The following ADARB2 variants were observed in gnomAD, a reference collection of about 807,000 sequenced individuals.
The protein encoded by ADARB2 is inactive double-stranded RNA-specific editase B2.
A neutral mutation model predicts 62.2 loss-of-function variants in ADARB2; 25 were observed. The observed-to-expected ratio is 0.40, with a 90% CI of 0.29 to 0.56. ADARB2 has a LOEUF of 0.56. Among genes scored for constraint, ADARB2 ranks in the 20% least tolerant of loss-of-function variants. The probability of loss-of-function intolerance (pLI) is 0.43; values close to 1 mark genes in which losing one functional copy is unlikely to be tolerated. For missense variants in ADARB2, 1,071 were observed against 1,077.4 expected (o/e 0.99, Z 0.08); for synonymous variants, 572 against 500.8 (o/e 1.14, Z -1.90).
At chr10:1,586,828 C>T (rs1833187341) in intron 1 of ADARB2, among the ~76,000 whole-genome samples, 2 of 152,034 alleles carry the variant, frequency 1.3e-5, no homozygotes, top group Middle Eastern at 3.2e-3. Flanking sequence ...TTGTGAGTAG[C>T]ATAAAGAAAT....
At position 1,483,908 on chromosome 10, in the gene ADARB2, C is replaced by T. The variant is rs762671749; in HGVS notation, c.101-104748G>A. 1.1e-4 allele frequency among the ~76,000 whole-genome samples: 16 copies of T among 152,272 alleles called. No homozygotes were observed. In the East Asian group the frequency reaches 2.3e-3, roughly 22 times the overall value. ...TAAATGAAAAATTCCTTTCTTATTC[C>T]GCCATGCGCCAGGGGATTTTTCTTC... On this transcript the variant is annotated intron_variant, in intron 1 of 9. Transcript: ENST00000381312.
intron 1 of ADARB2, among the ~76,000 whole-genome samples, chr10:1,567,929 C>T (rs750918654): frequency 2.0e-5 from 3 of 152,178 alleles, no homozygotes; most frequent in East Asian, 1.9e-4. Context: ...CTCCTGCCTG[C>T]GGGAGCAGCT....
intron 1 of ADARB2, among the ~76,000 whole-genome samples, chr10:1,485,665 G>A (rs1024906562): frequency 2.6e-5 from 4 of 152,150 alleles, no homozygotes; most frequent in Admixed American, 6.5e-5. Context: ...CTGTCACCTT[G>A]TCACAACACG....
intron 1 of ADARB2, among the ~76,000 whole-genome samples, chr10:1,435,567 A>AGGACCCT (rs1830826739): frequency 6.6e-6 from 1 of 152,160 alleles, no homozygotes; most frequent in African/African-American, 2.4e-5. Flanking sequence ...CCTCTGCACC[A>AGGACCCT]TCCTGCAGTG....
At chr10:1,588,725 C>T (rs980125858) in intron 1 of ADARB2, among the ~76,000 whole-genome samples, 1 of 152,224 alleles carries the variant, frequency 6.6e-6, no homozygotes, top group Non-Finnish European at 1.5e-5. Context: ...TGGACGCCAG[C>T]CCCTGCCTTG....
At chr10:1,629,146 GGTT>G (rs1032961576) in intron 1 of ADARB2, among the ~76,000 whole-genome samples, 3 of 152,156 alleles carry the variant, frequency 2.0e-5, no homozygotes, top group Admixed American at 1.3e-4. Flanking sequence ...TGGAAGTTTA[GGTT>G]ATTATTTTTT....
intron 1 of ADARB2, among the ~76,000 whole-genome samples, chr10:1,531,588 C>T (rs1451731677): frequency 1.3e-5 from 2 of 152,160 alleles, no homozygotes; most frequent in Non-Finnish European, 2.9e-5. Flanking sequence ...GCCTGTAATC[C>T]TAGCACTTTG....
At chr10:1,186,238 T>C (rs1836756698) in intron 8 of ADARB2, among the ~76,000 whole-genome samples, 1 of 152,218 alleles carries the variant, frequency 6.6e-6, no homozygotes, top group African/African-American at 2.4e-5. Flanking sequence ...CTTCTTCCCA[T>C]GCCCAGGGCT....
intron 1 of ADARB2, among the ~76,000 whole-genome samples, chr10:1,442,947 A>G (rs1456216647): frequency 6.6e-6 from 1 of 152,242 alleles, no homozygotes; most frequent in Non-Finnish European, 1.5e-5. Flanking sequence ...CTGTACTTAA[A>G]CTGATAGAAG....
intron 6 of ADARB2, among the ~76,000 whole-genome samples, chr10:1,217,429 T>C (rs1422845376): frequency 6.6e-6 from 1 of 152,202 alleles, no homozygotes; most frequent in Non-Finnish European, 1.5e-5. Flanking sequence ...TGGACCGTGC[T>C]CAGGCCAGTA....
Position 1,398,265 on chromosome 10 carries a change from C to T in ADARB2, c.101-19105G>A, listed in dbSNP as rs546339944. Reference sequence around the variant, plus strand: ...GGGTCACCGTCCGTCTCTCCCCTCCCGAGTGCAGGCTTCCTGGGGCAGGGC... The same window carrying T: ...GGGTCACCGTCCGTCTCTCCCCTCCTGAGTGCAGGCTTCCTGGGGCAGGGC... On this transcript the variant is annotated intron_variant, in intron 1 of 9. Transcript: ENST00000381312. The surrounding 1 kb of genome is among the most constrained non-coding windows in gnomAD (Gnocchi z 4.1). Among the ~76,000 whole-genome samples, 6 of 152,360 alleles carry T rather than the reference C, an allele frequency of 3.9e-5. No individual in the cohort carries two copies. The highest frequency in any genetic ancestry group is 1.2e-4 in the African/African-American group (5 of 41,588).
rs150930422 is a variant in ADARB2, at chr10:1,479,048, G to A, written c.101-99888C>T. ...ATGGCATAACAGCCAAGAGGGGAGT[G>A]GGGCTGCAGCTGTCTTGGGCAGGGG... On this transcript the variant is annotated intron_variant, in intron 1 of 9. Coordinates refer to ENST00000381312, the MANE Select transcript of ADARB2 (RefSeq NM_018702.4). Among the ~76,000 whole-genome samples the A allele has an allele frequency of 4.5e-3, 683 of 152,284 alleles. 4 individuals carry two copies. Among genetic ancestry groups the A allele is most frequent in the African/African-American group, 0.015 (634 of 41,554 alleles).
intron 4 of ADARB2, among the ~76,000 whole-genome samples, chr10:1,257,537 CAG>C (rs1442885937): frequency 6.6e-6 from 1 of 151,526 alleles, no homozygotes; most frequent in African/African-American, 2.5e-5. Context: ...TTCCTGTCAT[CAG>C]TGTGATGAAG....
At position 1,217,084 on chromosome 10, in the gene ADARB2, C is replaced by G; in HGVS notation, c.1549G>C (p.Gly517Arg). The G allele has an allele frequency of 1.2e-6, 2 of 1,606,072 alleles. No homozygotes were observed. The highest frequency in any genetic ancestry group is 1.7e-6 in the Non-Finnish European group (2 of 1,176,582). ...GACTCGATCTTGGTGCGCAGGTGCCCGCGGAACTTCCTGACGAGGTGTTTG... is the reference window on the plus strand; with the variant it reads ...GACTCGATCTTGGTGCGCAGGTGCCGGCGGAACTTCCTGACGAGGTGTTTG... ...SSKHLVRKFR[G>R]HLRTKIESGE... The change falls in exon 7 of 10, where the codon GGG becomes CGG. Residue 517 changes from glycine (G) to arginine (R), a missense_variant. By Grantham distance (125) the Gly-to-Arg change is moderately radical. Coordinates refer to ENST00000381312, the MANE Select transcript of ADARB2 (RefSeq NM_018702.4).
intron 6 of ADARB2, among the ~76,000 whole-genome samples, chr10:1,232,482 A>C (rs1489714161): frequency 1.4e-5 from 2 of 146,966 alleles, no homozygotes; most frequent in East Asian, 4.1e-4. Flanking sequence ...GCATGCGTGT[A>C]GTGTACATGC....
At position 1,437,601 on chromosome 10, in the gene ADARB2, G is replaced by A. The variant is rs560195148; in HGVS notation, c.101-58441C>T. Among the ~76,000 whole-genome samples, 9 of 152,284 alleles carry A rather than the reference G, an allele frequency of 5.9e-5. No individual in the cohort carries two copies. The South Asian group carries it at 1.9e-3, about 32-fold the overall frequency. ...GAGAGTTGAGTGACTCACCTGAGCC[G>A]ATTGGGAAATTATTAAGGCAAGAAA... On this transcript the variant is annotated intron_variant, in intron 1 of 9. Coordinates refer to ENST00000381312, the MANE Select transcript of ADARB2 (RefSeq NM_018702.4).
At chr10:1,248,893 A>G (rs1185352152) in intron 4 of ADARB2, among the ~76,000 whole-genome samples, 1 of 152,232 alleles carries the variant, frequency 6.6e-6, no homozygotes, top group African/African-American at 2.4e-5. Context: ...AATTCGACTG[A>G]ACCTTCAAGT....
intron 1 of ADARB2, among the ~76,000 whole-genome samples, chr10:1,558,563 AT>A (rs1832740988): frequency 1.6e-5 from 2 of 126,928 alleles, no homozygotes; most frequent in African/African-American, 3.0e-5. Context: ...CCCCATCTAA[AT>A]CTGCATCCCA....
intron 1 of ADARB2, among the ~76,000 whole-genome samples, chr10:1,467,309 C>G (rs1468904613): frequency 1.3e-5 from 2 of 152,212 alleles, no homozygotes; most frequent in South Asian, 4.1e-4. Flanking sequence ...CCCCCATCTT[C>G]AAAGCAAACA....
Sources: allele counts gnomAD v4.1 joint callset (sites outside exome capture counted in the v4.1 genomes callset), GRCh38; gene constraint gnomAD v4.1.1; non-coding constraint Gnocchi (gnomAD v3.1); transcripts MANE v1.5; gene names NCBI Gene and HGNC (gene_info 2026-07-23, HGNC 2026-07-21).